Variants in CETP observed in about 807,000 individuals in gnomAD.
CETP encodes the protein cholesteryl ester transfer protein, also known as BPI fold containing family F.
In CETP, 56 loss-of-function variants were observed where a neutral mutation model predicts 66.5. That is an observed-to-expected ratio of 0.84 (90% CI 0.68 to 1.05). The LOEUF is 1.05. Among genes scored for constraint, CETP ranks in the 50% least tolerant of loss-of-function variants. The probability of loss-of-function intolerance (pLI) is 0.00; values close to 1 mark genes in which losing one functional copy is unlikely to be tolerated. For synonymous variants in CETP, 251 were observed against 245.7 expected (o/e 1.02, Z -0.20); for missense variants, 612 against 609.6 (o/e 1.00, Z -0.04).
chr16:56,971,306 C>T lies in CETP; in HGVS notation c.598-15C>T. 3.7e-6 allele frequency: 6 copies of T among 1,613,776 alleles called. No individual in the cohort carries two copies. The Admixed American group carries it at 8.3e-5, about 22-fold the overall frequency. The stretch of plus-strand genomic sequence containing the variant: ...TCCTTTCCTGCCTGGAAAGCACCTG[C>T]TCTGTCTGCCCCAGATCTGCAAAGA... On this transcript the variant is annotated splice_polypyrimidine_tract_variant and intron_variant, in intron 6 of 15. Coordinates refer to ENST00000200676, the MANE Select transcript of CETP (RefSeq NM_000078.3).
intron 10 of CETP, 59 bp from the exon 11 acceptor site, chr16:56,978,032 T>G: frequency 6.3e-7 from 1 of 1,594,202 alleles, no homozygotes. Context: ...TCCGAGGGCA[T>G]GGACTGCTGC....
chr16:56,972,245 G>C (rs1373539083), intron 8 of CETP, among the ~76,000 whole-genome samples, 162 bp downstream of exon 8: 2 of 152,124 alleles, frequency 1.3e-5, no homozygotes, highest in Non-Finnish European at 2.9e-5. Context: ...CTGATGCTGC[G>C]AGGAGGGCAG....
At chr16:56,979,568 T>C (rs2056173767) in intron 11 of CETP, among the ~76,000 whole-genome samples, 1 of 151,492 alleles carries the variant, frequency 6.6e-6, no homozygotes, top group Admixed American at 6.6e-5. Flanking sequence ...TGGAGTGCAG[T>C]GGTGCAATCT....
At chr16:56,978,937 T>C (rs918103878) in intron 11 of CETP, among the ~76,000 whole-genome samples, 12 of 152,242 alleles carry the variant, frequency 7.9e-5, no homozygotes, top group African/African-American at 2.7e-4. Context: ...GCGATTCTCA[T>C]GCCTCAGCCT....
chr16:56,983,297 G>T, intron 14 of CETP, 29 bp from the exon 15 acceptor site: 1 of 1,608,054 alleles, frequency 6.2e-7, no homozygotes, highest in Non-Finnish European at 8.5e-7. Flanking sequence ...CCCAAGAAGG[G>T]CTGACTGGGG....
chr16:56,971,395 T>C lies in CETP; in HGVS notation c.658+14T>C. The C allele has an allele frequency of 1.2e-6, 2 of 1,613,030 alleles. No homozygotes were observed. The highest frequency in any genetic ancestry group is 1.7e-6 in the Non-Finnish European group (2 of 1,179,368). On this transcript the variant is annotated intron_variant, in intron 7 of 15. Coordinates refer to ENST00000200676, the MANE Select transcript of CETP (RefSeq NM_000078.3). ...AGACAAGGGCTGGTGAGTGCGTTTC[T>C]GTCTGCATGCCTCAGAAGACAGCAG...
chr16:56,974,287 A>G (rs2056134306), intron 9 of CETP, among the ~76,000 whole-genome samples: 1 of 152,220 alleles, frequency 6.6e-6, no homozygotes, highest in Non-Finnish European at 1.5e-5. Flanking sequence ...AAAAATAAAA[A>G]TAAGTTTAAA....
chr16:56,975,857 T>A (rs736274), intron 10 of CETP, among the ~76,000 whole-genome samples: 13,574 of 152,090 alleles, frequency 0.089, 803 homozygotes, highest in South Asian at 0.17. Flanking sequence ...ACCAGAGAGC[T>A]GAGCAGAGCC....
chr16:56,983,355 A>G lies in CETP; in HGVS notation c.1351A>G (p.Asn451Asp). ...RLEVVFTALM[N>D]SKGVSLFDII... The stretch of plus-strand genomic sequence containing the variant: ...CGAGGTAGTGTTTACAGCCCTCATG[A>G]ACAGCAAAGGCGTGAGCCTCTTCGA... Residue 451 changes from asparagine (N) to aspartate (D), a missense_variant, in exon 15 of 16, where the codon AAC becomes GAC. Coordinates refer to ENST00000200676, the MANE Select transcript of CETP (RefSeq NM_000078.3). 1 of 1,614,262 alleles carries G rather than the reference A, an allele frequency of 6.2e-7. No individual in the cohort carries two copies. The highest frequency in any genetic ancestry group is 8.5e-7 in the Non-Finnish European group (1 of 1,180,042).
intron 10 of CETP, among the ~76,000 whole-genome samples, chr16:56,975,677 C>T (rs2056144323): frequency 6.6e-6 from 1 of 152,192 alleles, no homozygotes. Context: ...CCCATGATCT[C>T]CTACCTCAAA....
At position 56,970,859 on chromosome 16, in the gene CETP, A is replaced by G. The variant is rs528553022; in HGVS notation, c.528-174A>G. ...GAATTCTGGGATGGTGCCACAGTTAATTCTTGGGTCTGAGGCTCCGTGTTC... is the reference window on the plus strand; with the variant it reads ...GAATTCTGGGATGGTGCCACAGTTAGTTCTTGGGTCTGAGGCTCCGTGTTC... On this transcript the variant is annotated intron_variant, in intron 5 of 15. Coordinates refer to ENST00000200676, the MANE Select transcript of CETP (RefSeq NM_000078.3). 1.2e-4 allele frequency among the ~76,000 whole-genome samples: 18 copies of G among 152,276 alleles called. No individual in the cohort carries two copies. In the East Asian group the frequency reaches 3.5e-3, roughly 29 times the overall value.
In CETP at chr16:56,978,918, C is replaced by T. The variant is rs982501974; in HGVS notation, c.1146+663C>T. On this transcript the variant is annotated intron_variant, in intron 11 of 15. Transcript: ENST00000200676. ...TCGGCTCACTACAACCTCTGCCTCC[C>T]AGGTTCCAGCGATTCTCATGCCTCA... 3.9e-5 allele frequency among the ~76,000 whole-genome samples: 6 copies of T among 152,302 alleles called. No homozygotes were observed. In the East Asian group the frequency reaches 7.7e-4, roughly 20 times the overall value.
In CETP at chr16:56,971,318, C is replaced by T. The variant is rs770518166; in HGVS notation, c.598-3C>T. The T allele has an allele frequency of 7.4e-6, 12 of 1,613,966 alleles. No homozygotes were observed. The highest frequency in any genetic ancestry group is 1.7e-5 in the Admixed American group (1 of 60,028). On this transcript the variant is annotated splice_polypyrimidine_tract_variant and splice_region_variant and intron_variant, in intron 6 of 15. Transcript: ENST00000200676. ...TGGAAAGCACCTGCTCTGTCTGCCC[C>T]AGATCTGCAAAGAGATCAACGTCAT...
chr16:56,968,040 T>C (rs575421488), intron 2 of CETP, among the ~76,000 whole-genome samples: 5 of 151,984 alleles, frequency 3.3e-5, no homozygotes, highest in African/African-American at 1.2e-4. Flanking sequence ...CCAGAAGTCT[T>C]TGCCAATCTA....
intron 9 of CETP, 135 bp downstream of exon 9, chr16:56,973,645 T>G: frequency 5.2e-6 from 5 of 960,696 alleles, no homozygotes; most frequent in African/African-American, 1.6e-5. Context: ...GCAATAGCAG[T>G]GAAGTCCAGA....
Position 56,982,179 on chromosome 16 carries a change from C to T in CETP, c.1263C>T (p.Ser421=), listed in dbSNP as rs549944052. The change falls in exon 14 of 16, where the codon TCC becomes TCT. Residue 421 remains serine, a synonymous_variant. Coordinates refer to ENST00000200676, the MANE Select transcript of CETP (RefSeq NM_000078.3). Reference sequence around the variant, plus strand: ...TTGATTGGCAGAGCAGCTCCGAGTCCGTCCAGAGCTTCCTGCAGTCAATGA... The same window carrying T: ...TTGATTGGCAGAGCAGCTCCGAGTCTGTCCAGAGCTTCCTGCAGTCAATGA... The part of the protein sequence containing the change: ...VSNLTESSSE[S]VQSFLQSMIT... The T allele has an allele frequency of 2.6e-4, 427 of 1,614,104 alleles. 4 individuals are homozygous for T. The South Asian group carries it at 3.8e-3, about 14-fold the overall frequency.
intron 2 of CETP, among the ~76,000 whole-genome samples, chr16:56,965,644 C>G (rs552535471): frequency 1.3e-5 from 2 of 152,322 alleles, no homozygotes; most frequent in East Asian, 3.9e-4. Flanking sequence ...TGTATAAACT[C>G]TAAGCACAGT....
chr16:56,975,627 G>A (rs2056144012), intron 10 of CETP, among the ~76,000 whole-genome samples: 2 of 152,160 alleles, frequency 1.3e-5, no homozygotes, highest in Non-Finnish European at 2.9e-5. Flanking sequence ...TGGCAATGAT[G>A]TTCATAATCC....
At chr16:56,982,078 T>C in intron 13 of CETP, 87 bp from the exon 14 acceptor site, 1 of 1,245,102 alleles carries the variant, frequency 8.0e-7, no homozygotes, top group Non-Finnish European at 1.2e-6. Flanking sequence ...GGCATGAGGA[T>C]GAATGCTTGT....
Sources: allele counts gnomAD v4.1 joint callset (sites outside exome capture counted in the v4.1 genomes callset), GRCh38; gene constraint gnomAD v4.1.1; transcripts MANE v1.5; gene names NCBI Gene and HGNC (gene_info 2026-07-23, HGNC 2026-07-21).